Variants in FNBP1 observed in about 807,000 individuals in gnomAD.
The protein encoded by FNBP1 is formin binding protein 1, also known as formin-binding protein 1.
A neutral mutation model predicts 90.6 loss-of-function variants in FNBP1; 26 were observed. The ratio of observed to expected loss-of-function variants is 0.29; its 90% CI spans 0.21 to 0.40. The LOEUF (loss-of-function observed/expected upper bound fraction) is 0.40, where lower values mean the gene tolerates loss of function less well. Ranked by LOEUF, FNBP1 falls within the 10% of genes least tolerant of loss-of-function variation. The probability of loss-of-function intolerance (pLI) is 1.00; values close to 1 mark genes in which losing one functional copy is unlikely to be tolerated. For missense variants in FNBP1, 635 were observed against 768.0 expected (o/e 0.83, Z 2.05); for synonymous variants, 260 against 265.2 (o/e 0.98, Z 0.19).
At chr9:129,986,519 T>C (rs1486319703) in intron 2 of FNBP1, among the ~76,000 whole-genome samples, 1 of 151,930 alleles carries the variant, frequency 6.6e-6, no homozygotes, top group African/African-American at 2.4e-5. Context: ...AGGCCGGGCG[T>C]GGTGGCTCAC....
intron 2 of FNBP1, among the ~76,000 whole-genome samples, chr9:129,992,700 C>T (rs1448100406): frequency 1.3e-5 from 2 of 150,692 alleles, no homozygotes; most frequent in African/African-American, 4.9e-5. Context: ...ATTACAGGCA[C>T]CCGCCACCAT....
rs962696904 is a variant in FNBP1 at position 130,042,885 on chromosome 9, C to A, written c.24+67G>T. On this transcript the variant is annotated intron_variant, in intron 1 of 16. Coordinates refer to ENST00000446176, the MANE Select transcript of FNBP1 (RefSeq NM_015033.3). The surrounding 1 kb of genome is among the most constrained non-coding windows in gnomAD (Gnocchi z 5.5). Reference sequence around the variant, plus strand: ...CGCCCAGCAGCGCGGCCCGCGCCCCCTCCCCAGGCCGCGGGGAAACGCAGC... The same window carrying A: ...CGCCCAGCAGCGCGGCCCGCGCCCCATCCCCAGGCCGCGGGGAAACGCAGC... 2.6e-5 allele frequency: 29 copies of A among 1,117,072 alleles called. No individual in the cohort carries two copies. In the Admixed American group the frequency reaches 4.3e-4, roughly 17 times the overall value. The allele number at this position is 1,117,072 out of a possible 1,614,324, so 69.2% of individuals were successfully genotyped here.
At chr9:129,992,953 A>C (rs2053428576) in intron 2 of FNBP1, among the ~76,000 whole-genome samples, 1 of 149,336 alleles carries the variant, frequency 6.7e-6, no homozygotes, top group Non-Finnish European at 1.5e-5. Context: ...AGGGCTGGGC[A>C]CGGTGGCTCA....
At chr9:129,913,902 A>T (rs2039803459) in intron 11 of FNBP1, among the ~76,000 whole-genome samples, 1 of 150,814 alleles carries the variant, frequency 6.6e-6, no homozygotes, top group African/African-American at 2.4e-5. Context: ...TTTTTTTGAG[A>T]CAGGGTTTCA....
intron 6 of FNBP1, among the ~76,000 whole-genome samples, chr9:129,946,526 G>C (rs1303379200): frequency 6.6e-6 from 1 of 152,130 alleles, no homozygotes; most frequent in African/African-American, 2.4e-5. Flanking sequence ...CCAGTACTCA[G>C]AATTAATTGC....
At chr9:130,000,325 T>C (rs1372530676) in intron 1 of FNBP1, among the ~76,000 whole-genome samples, 2 of 151,892 alleles carry the variant, frequency 1.3e-5, no homozygotes, top group Non-Finnish European at 2.9e-5. Context: ...ACCCCGTCTT[T>C]ACTAAAAATA....
intron 10 of FNBP1, among the ~76,000 whole-genome samples, chr9:129,922,908 A>C (rs2041309858): frequency 6.6e-6 from 1 of 151,584 alleles, no homozygotes; most frequent in Non-Finnish European, 1.5e-5. Context: ...TTTTTTAGAG[A>C]TGGGGTTTGA....
intron 15 of FNBP1, among the ~76,000 whole-genome samples, chr9:129,897,418 G>A (rs1448157026): frequency 4.6e-5 from 7 of 152,080 alleles, no homozygotes; most frequent in Non-Finnish European, 7.4e-5. Flanking sequence ...AAACTGGTAC[G>A]TCTTTCTTAT....
chr9:130,048,032 G>C (rs1410907297), upstream of FNBP1, among the ~76,000 whole-genome samples: 1 of 151,894 alleles, frequency 6.6e-6, no homozygotes, highest in Admixed American at 6.6e-5. Flanking sequence ...AGAAGACAGG[G>C]ATCTTGGCCA....
At chr9:129,913,949 G>A (rs533035409) in intron 11 of FNBP1, among the ~76,000 whole-genome samples, 1 of 151,588 alleles carries the variant, frequency 6.6e-6, no homozygotes. Flanking sequence ...TCAACCTCCT[G>A]GGCTCAATCA....
rs970402747 is a variant in FNBP1, at chr9:129,991,189, G to C, written c.140+3654C>G. Among the ~76,000 whole-genome samples the C allele has an allele frequency of 6.3e-4, 96 of 151,890 alleles. 1 individual carries two copies. The highest frequency in any genetic ancestry group is 3.7e-3 in the Admixed American group (57 of 15,236). On this transcript the variant is annotated intron_variant, in intron 2 of 16. Coordinates refer to ENST00000446176, the MANE Select transcript of FNBP1 (RefSeq NM_015033.3). ...ACCTCCAGTGATCCCCCTGCACCTG[G>C]GTGATGCTAGGGTTTTTGACCTAAA...
Position 129,923,887 on chromosome 9 carries a change from G to T in FNBP1, c.1127C>A (p.Thr376Asn). 1 of 1,603,052 alleles carries T rather than the reference G, an allele frequency of 6.2e-7. No homozygotes were observed. The highest frequency in any genetic ancestry group is 8.5e-7 in the Non-Finnish European group (1 of 1,175,658). ...PLSHRFNEFM[T>N]SKPKIHCFRS... ...GAAGCAGTGGATTTTGGGTTTGGAG[G>T]TCATGAACTCGTTGAAGCGATGGGA... The change falls in exon 10 of 17, where the codon ACC becomes AAC. Residue 376 changes from threonine (T) to asparagine (N), a missense_variant. Coordinates refer to ENST00000446176, the MANE Select transcript of FNBP1 (RefSeq NM_015033.3).
chr9:130,043,433 G>T (rs2060007577), upstream of FNBP1, among the ~76,000 whole-genome samples: 2 of 152,248 alleles, frequency 1.3e-5, no homozygotes, highest in South Asian at 4.1e-4. Context: ...TGACTTCTTA[G>T]TGACCACTGT....
intron 10 of FNBP1, among the ~76,000 whole-genome samples, chr9:129,918,811 G>A (rs928064794): frequency 1.3e-5 from 2 of 150,624 alleles, no homozygotes; most frequent in African/African-American, 2.5e-5. Context: ...CATACCCAAT[G>A]ACATCTCAGA....
chr9:129,905,198 T>G (rs963145273), intron 12 of FNBP1, among the ~76,000 whole-genome samples: 4 of 151,522 alleles, frequency 2.6e-5, no homozygotes, highest in Middle Eastern at 3.2e-3. Context: ...CTCCTCCCAG[T>G]CTTTCCTAAT....
chr9:129,924,155 G>T, intron 9 of FNBP1, 129 bp from the exon 10 acceptor site: 1 of 942,020 alleles, frequency 1.1e-6, no homozygotes, highest in Non-Finnish European at 1.5e-6. Flanking sequence ...TTTAGGCCAT[G>T]GTCCAAAAGA....
At chr9:129,994,158 T>G (rs934312383) in intron 2 of FNBP1, among the ~76,000 whole-genome samples, 1 of 152,278 alleles carries the variant, frequency 6.6e-6, no homozygotes, top group East Asian at 1.9e-4. Context: ...ATAGCTTAAA[T>G]TAGAAACAAC....
intron 1 of FNBP1, among the ~76,000 whole-genome samples, chr9:129,995,947 A>C (rs1388888774): frequency 6.6e-6 from 1 of 152,200 alleles, no homozygotes; most frequent in African/African-American, 2.4e-5. Flanking sequence ...AGATGAGACA[A>C]AATAGGCACA....
chr9:130,012,623 ATTTGTTTTGT>A (rs538214212), intron 1 of FNBP1, among the ~76,000 whole-genome samples: 17 of 152,126 alleles, frequency 1.1e-4, no homozygotes, highest in Middle Eastern at 3.4e-3. Context: ...GAGGTAGGAA[ATTTGTTTTGT>A]TTTGTTTTGT....
Sources: gnomAD v4.1 joint callset for allele counts (sites outside exome capture counted in the v4.1 genomes callset) on GRCh38, gnomAD v4.1.1 for gene constraint, Gnocchi (gnomAD v3.1) non-coding constraint, MANE v1.5 for transcripts, NCBI Gene and HGNC (gene_info 2026-07-23, HGNC 2026-07-21) for gene names.